Variants in WDR19 observed in about 807,000 individuals in gnomAD.
The protein encoded by WDR19 is WD repeat domain 19, also known as WD repeat-containing protein 19.
A neutral mutation model predicts 180.0 loss-of-function variants in WDR19; 121 were observed. The ratio of observed to expected loss-of-function variants is 0.67; its 90% confidence interval spans 0.58 to 0.78. The LOEUF is 0.78. Among genes scored for constraint, WDR19 ranks in the 30% least tolerant of loss-of-function variants. The pLI, the probability that WDR19 is intolerant of heterozygous loss-of-function variation, is 0.00. For missense variants in WDR19, 1,450 were observed against 1,640.7 expected (o/e 0.88, Z 2.01); for synonymous variants, 497 against 540.7 (o/e 0.92, Z 1.12).
chr4:39,208,732 C>T lies in WDR19; in HGVS notation c.890+2996C>T, dbSNP rs557178964. ...CTAACCAGAAGATAGCTACTCTAGCCATCATTTACATTGATATGTTTGAAC... is the reference window on the plus strand; with the variant it reads ...CTAACCAGAAGATAGCTACTCTAGCTATCATTTACATTGATATGTTTGAAC... On this transcript the variant is annotated intron_variant, in intron 9 of 36. Coordinates refer to ENST00000399820, the MANE Select transcript of WDR19 (RefSeq NM_025132.4). Among the ~76,000 whole-genome samples, 52 of 152,244 alleles carry T rather than the reference C, an allele frequency of 3.4e-4. 1 individual carries two copies. The highest frequency in any genetic ancestry group is 1.1e-3 in the African/African-American group (47 of 41,532).
chr4:39,281,438 G>A (rs533045118), intron 36 of WDR19, among the ~76,000 whole-genome samples: 11 of 107,220 alleles, frequency 1.0e-4, no homozygotes, highest in Middle Eastern at 4.3e-3. Flanking sequence ...TGCCGTTGAC[G>A]TGTTTTTCCC....
chr4:39,197,441 A>AG (rs1168034984), intron 5 of WDR19, among the ~76,000 whole-genome samples: 21 of 132,282 alleles, frequency 1.6e-4, no homozygotes, highest in African/African-American at 5.1e-4. Flanking sequence ...AAAAAAAAAA[A>AG]AAAAGAAAGA....
At chr4:39,205,372 A>G (rs889978244) in intron 8 of WDR19, 106 bp downstream of exon 8, 1 of 1,217,184 alleles carries the variant, frequency 8.2e-7, no homozygotes, top group South Asian at 1.5e-5. Context: ...ATTCAATTCT[A>G]TACGTCACAT....
At position 39,274,882 on chromosome 4, in the gene WDR19, G is replaced by A. The variant is rs1206705962; in HGVS notation, c.3640G>A (p.Ala1214Thr). 2.5e-5 allele frequency: 40 copies of A among 1,613,868 alleles called. No homozygotes were observed. Among genetic ancestry groups the A allele is most frequent in the Middle Eastern group, 1.6e-4 (1 of 6,084 alleles). ...AGLKNSAFSFAAMLMRPEYRS... is the reference protein window; with the variant it reads ...AGLKNSAFSFTAMLMRPEYRS... ...CCTGAAGAACTCTGCTTTCAGCTTC[G>A]CAGCTATGTTGATGAGGCCTGAATA... Residue 1214 changes from alanine (A) to threonine (T), a missense_variant, in exon 33 of 37, where the codon GCA (alanine) becomes ACA (threonine). Coordinates refer to ENST00000399820, the MANE Select transcript of WDR19 (RefSeq NM_025132.4).
At chr4:39,184,197 A>G (rs2109736332) in intron 1 of WDR19, among the ~76,000 whole-genome samples, 1 of 152,206 alleles carries the variant, frequency 6.6e-6, no homozygotes, top group South Asian at 2.1e-4. Context: ...ACTTGAGGTC[A>G]GGAGTTCGAC....
chr4:39,186,487 A>G (rs1725562447), intron 2 of WDR19, 52 bp from the exon 3 acceptor site: 1 of 1,140,044 alleles, frequency 8.8e-7, no homozygotes. Context: ...TCAAAAAAAA[A>G]AAAAAAAAAA....
Position 39,205,218 on chromosome 4 carries a change from C to T in WDR19, c.668C>T (p.Ala223Val), listed in dbSNP as rs774983663. 1.2e-6 allele frequency: 2 copies of T among 1,603,152 alleles called. No homozygotes were observed. Among genetic ancestry groups the T allele is most frequent in the Non-Finnish European group, 1.7e-6 (2 of 1,174,408 alleles). The change falls in exon 8 of 37, where the codon GCT (alanine) becomes GTT (valine). Residue 223 changes from alanine (A) to valine (V), a missense_variant. By Grantham distance (64) the Ala-to-Val change is moderately conservative. Coordinates refer to ENST00000399820, the MANE Select transcript of WDR19 (RefSeq NM_025132.4). ...AATCTGAATGAACCAGATAACCCAG[C>T]TGATCTTGAATTTCAGCAGGACTTT... ...FLNLNEPDNP[A>V]DLEFQQDFGN...
intron 1 of WDR19, among the ~76,000 whole-genome samples, chr4:39,185,044 T>G (rs1388850416): frequency 6.6e-6 from 1 of 152,238 alleles, no homozygotes; most frequent in Non-Finnish European, 1.5e-5. Flanking sequence ...ACATTCTTTT[T>G]CCAGTTGTTG....
chr4:39,194,837 A>G, intron 5 of WDR19, 178 bp downstream of exon 5: 2 of 568,392 alleles, frequency 3.5e-6, no homozygotes, highest in Non-Finnish European at 6.3e-6. Flanking sequence ...ACTGCTTACT[A>G]AGAACTTGCC....
chr4:39,192,983 A>G (rs1366681693), intron 4 of WDR19, among the ~76,000 whole-genome samples: 2 of 152,156 alleles, frequency 1.3e-5, no homozygotes, highest in Admixed American at 1.3e-4. Context: ...GGGCAGTTAC[A>G]CTTTCTGCAA....
chr4:39,281,452 T>G (rs6835931), intron 36 of WDR19, among the ~76,000 whole-genome samples: 76,186 of 151,256 alleles, frequency 0.5, 20,573 homozygotes, highest in African/African-American at 0.71. Flanking sequence ...TTTTCCCTTG[T>G]TTTAATACTA....
intron 4 of WDR19, 33 bp downstream of exon 4, chr4:39,189,814 C>T: frequency 6.3e-7 from 1 of 1,579,200 alleles, no homozygotes; most frequent in Non-Finnish European, 8.6e-7. Context: ...TAAAGCTTCA[C>T]TTAGAAACAT....
At chr4:39,227,095 T>C (rs1208367960) in intron 15 of WDR19, among the ~76,000 whole-genome samples, 2 of 152,302 alleles carry the variant, frequency 1.3e-5, no homozygotes, top group East Asian at 3.9e-4. Context: ...TCATGCGAAC[T>C]CTCTGTGTAG....
intron 6 of WDR19, among the ~76,000 whole-genome samples, chr4:39,200,414 C>T (rs905614955): frequency 5.3e-5 from 8 of 152,174 alleles, no homozygotes; most frequent in African/African-American, 1.9e-4. Context: ...AGCCTGCAAT[C>T]GTGTTGTCAG....
At chr4:39,257,878 C>G (rs1472069654) in intron 28 of WDR19, among the ~76,000 whole-genome samples, 5 of 152,016 alleles carry the variant, frequency 3.3e-5, no homozygotes, top group Non-Finnish European at 5.9e-5. Context: ...CCTAAGTGTA[C>G]AACTCGATTA....
At chr4:39,269,860 T>G in intron 30 of WDR19, 116 bp from the exon 31 acceptor site, 2 of 1,345,528 alleles carry the variant, frequency 1.5e-6, no homozygotes, top group Non-Finnish European at 2.1e-6. Context: ...GAATAAGACA[T>G]TATTAAGAGA....
At chr4:39,275,602 A>G (rs1735819383) in intron 33 of WDR19, among the ~76,000 whole-genome samples, 1 of 152,174 alleles carries the variant, frequency 6.6e-6, no homozygotes, top group Non-Finnish European at 1.5e-5. Flanking sequence ...CGTTCCAGGC[A>G]GGAAGAAGTA....
intron 24 of WDR19, among the ~76,000 whole-genome samples, chr4:39,248,892 C>A (rs1397088637): frequency 2.6e-5 from 4 of 152,154 alleles, no homozygotes; most frequent in East Asian, 3.8e-4. Context: ...TAGACTCCCA[C>A]ACAATAATAA....
rs1728876351 is a variant in WDR19, at chr4:39,214,673, T to C, written c.961+2T>C. ...TCAACCTGGATGAGGAAAATAAAGGTATTGATTTTTCTGAAGCAGATTGAC... is the reference window on the plus strand; with the variant it reads ...TCAACCTGGATGAGGAAAATAAAGGCATTGATTTTTCTGAAGCAGATTGAC... On this transcript the variant is annotated splice_donor_variant, in intron 10 of 36. Transcript: ENST00000399820. LOFTEE classifies it high-confidence loss of function. The C allele has an allele frequency of 1.3e-6, 2 of 1,553,508 alleles. No homozygotes were observed. The highest frequency in any genetic ancestry group is 1.8e-6 in the Non-Finnish European group (2 of 1,131,404).
Sources: allele counts gnomAD v4.1 joint callset (sites outside exome capture counted in the v4.1 genomes callset), GRCh38; gene constraint gnomAD v4.1.1; transcripts MANE v1.5; gene names NCBI Gene and HGNC (gene_info 2026-07-23, HGNC 2026-07-21).